The following OTOG variants were observed in gnomAD, a reference collection of about 807,000 sequenced individuals.
OTOG encodes otogelin.
OTOG carries 296 observed loss-of-function variants against 313.8 expected under a neutral mutation model. The ratio of observed to expected loss-of-function variants is 0.94; its 90% CI spans 0.86 to 1.04. OTOG has a LOEUF of 1.04. Ranked by LOEUF, OTOG falls within the 50% of genes least tolerant of loss-of-function variation. OTOG has a pLI of 0.00. For missense variants in OTOG, 3,948 were observed against 3,840.1 expected (o/e 1.03, Z -0.74); for synonymous variants, 1,533 against 1,554.9 (o/e 0.99, Z 0.33).
chr11:17,627,582 T>A (rs754357488), intron 39 of OTOG, among the ~76,000 whole-genome samples: 5 of 152,226 alleles, frequency 3.3e-5, no homozygotes, highest in Non-Finnish European at 5.9e-5. Flanking sequence ...CTGGTTTTTG[T>A]ATCAGAGTAA....
At chr11:17,571,111 A>G (rs1852394570) in intron 17 of OTOG, among the ~76,000 whole-genome samples, 4 of 152,252 alleles carry the variant, frequency 2.6e-5, no homozygotes, top group Admixed American at 6.5e-5. Context: ...TTCTTTAGCC[A>G]AAACGGAGAA....
intron 22 of OTOG, among the ~76,000 whole-genome samples, chr11:17,577,653 T>C (rs1346556805): frequency 1.3e-5 from 2 of 152,142 alleles, no homozygotes; most frequent in African/African-American, 4.8e-5. Flanking sequence ...ATGTTTTGTG[T>C]ATAATCCTGG....
rs146753764 is a variant in OTOG at position 17,643,445 on chromosome 11, G to A, written c.8416-16G>A. ...GTCTCCACACCTACCTACCTCCCCC[G>A]ACTTCCTCTCTCTAGGTTGGGGGTT... On this transcript the variant is annotated splice_polypyrimidine_tract_variant and intron_variant, in intron 53 of 55. Coordinates refer to ENST00000399397, the MANE Select transcript of OTOG (RefSeq NM_001292063.2). The A allele has an allele frequency of 6.8e-3, 9,741 of 1,430,682 alleles. 45 individuals are homozygous for A. The highest frequency in any genetic ancestry group is 0.02 in the Middle Eastern group (111 of 5,522). 88.6% of individuals were successfully genotyped at this position (1,430,682 alleles called of 1,614,324 possible).
At chr11:17,630,027 C>T (rs1854080717) in intron 40 of OTOG, among the ~76,000 whole-genome samples, 1 of 152,086 alleles carries the variant, frequency 6.6e-6, no homozygotes, top group Non-Finnish European at 1.5e-5. Flanking sequence ...ACCTGCACCC[C>T]GGTGATCATT....
chr11:17,567,100 A>C (rs1223580740), intron 15 of OTOG, among the ~76,000 whole-genome samples: 1 of 152,250 alleles, frequency 6.6e-6, no homozygotes, highest in Non-Finnish European at 1.5e-5. Flanking sequence ...TGAGATATGG[A>C]GAATTTAAGT....
intron 21 of OTOG, 60 bp from the exon 22 acceptor site, chr11:17,576,808 G>T: frequency 6.5e-7 from 1 of 1,537,204 alleles, no homozygotes; most frequent in Non-Finnish European, 8.8e-7. Flanking sequence ...CAGCAACATG[G>T]GGTGTCTGGG....
chr11:17,634,017 G>A, intron 43 of OTOG, 52 bp from the exon 44 acceptor site: 1 of 1,516,520 alleles, frequency 6.6e-7, no homozygotes, highest in Non-Finnish European at 8.8e-7. Context: ...AGCCTGGGAA[G>A]GTCTGGGCTC....
intron 3 of OTOG, among the ~76,000 whole-genome samples, chr11:17,548,738 G>A (rs1483363768): frequency 6.6e-6 from 1 of 151,676 alleles, no homozygotes; most frequent in African/African-American, 2.4e-5. Context: ...CTTTTTTTGA[G>A]TCGGGGTCTT....
intron 51 of OTOG, 73 bp downstream of exon 51, chr11:17,641,164 C>A (rs1479999307): frequency 1.4e-6 from 2 of 1,437,398 alleles, no homozygotes; most frequent in Admixed American, 2.1e-5. Flanking sequence ...GCTCCAGGAG[C>A]CAGAGGGGCC....
intron 12 of OTOG, among the ~76,000 whole-genome samples, chr11:17,560,279 G>T (rs377610784): frequency 2.0e-5 from 3 of 152,286 alleles, no homozygotes; most frequent in African/African-American, 7.2e-5. Flanking sequence ...GAGATATCAC[G>T]CTCATATGAC....
intron 43 of OTOG, 24 bp from the exon 44 acceptor site, chr11:17,634,045 G>A (rs997189928): frequency 7.8e-6 from 12 of 1,535,000 alleles, no homozygotes; most frequent in South Asian, 2.4e-5. Flanking sequence ...TCAGTCCCTC[G>A]CACCCTGCCA....
chr11:17,643,455 C>T lies in OTOG; in HGVS notation c.8416-6C>T. On this transcript the variant is annotated splice_polypyrimidine_tract_variant and splice_region_variant and intron_variant, in intron 53 of 55. Transcript: ENST00000399397. The stretch of plus-strand genomic sequence containing the variant: ...CTACCTACCTCCCCCGACTTCCTCT[C>T]TCTAGGTTGGGGGTTCCGTGGTACC... The T allele has an allele frequency of 2.1e-6, 3 of 1,448,642 alleles. No individual in the cohort carries two copies. Among genetic ancestry groups the T allele is most frequent in the Non-Finnish European group, 2.7e-6 (3 of 1,095,812 alleles). 89.7% of individuals were successfully genotyped at this position (1,448,642 alleles called of 1,614,324 possible). A position where few individuals can be genotyped will look rare whatever the true frequency, so the allele number is the denominator to read the frequency against.
chr11:17,641,425 C>A (rs1345506558), intron 51 of OTOG, among the ~76,000 whole-genome samples: 1 of 152,124 alleles, frequency 6.6e-6, no homozygotes. Flanking sequence ...CTTCTTCATG[C>A]CTAGTACTTA....
intron 32 of OTOG, among the ~76,000 whole-genome samples, chr11:17,604,415 C>T (rs1216508320): frequency 1.3e-5 from 2 of 152,286 alleles, no homozygotes; most frequent in East Asian, 3.9e-4. Flanking sequence ...ACTCAGTGCC[C>T]TACCATGCTG....
rs926237967 is a variant in OTOG at position 17,610,239 on chromosome 11, C to A, written c.4939C>A (p.Pro1647Thr). Residue 1647 changes from proline (P) to threonine (T), a missense_variant, in exon 36 of 56, where the codon CCT (proline) becomes ACT (threonine). Coordinates refer to ENST00000399397, the MANE Select transcript of OTOG (RefSeq NM_001292063.2). ...CTTGACAGCAAGTCCCTCCTCCAGA[C>A]CTGTGGCTTCCCCTGGAGCCATCTC... ...PSLTASPSSR[P>T]VASPGAISRS... is the part of the protein sequence containing the mutation. 13 of 1,550,564 alleles carry A rather than the reference C, an allele frequency of 8.4e-6. No homozygotes were observed. In the Admixed American group the frequency reaches 2.5e-4, roughly 30 times the overall value.
Position 17,560,728 on chromosome 11 carries a change from G to A in OTOG, c.1362G>A (p.Gly454=). 6.4e-7 allele frequency: 1 copy of A among 1,550,622 alleles called. No homozygotes were observed. The highest frequency in any genetic ancestry group is 8.7e-7 in the Non-Finnish European group (1 of 1,146,974). Residue 454 remains glycine, a synonymous_variant, in exon 13 of 56, where the codon GGG becomes GGA. Transcript: ENST00000399397. ...YCPNGLIFED[G]GCVAPAECPC... ...CTCTAGGGCTCATCTTCGAGGATGG[G>A]GGCTGCGTGGCACCAGCTGAGTGTC... is the stretch of plus-strand genomic sequence containing the variant.
rs1237021823 is a variant in OTOG at position 17,610,951 on chromosome 11, C to T, written c.5651C>T (p.Thr1884Ile). 3.2e-6 allele frequency: 5 copies of T among 1,550,380 alleles called. No homozygotes were observed. ...CTGCTGCTGGGAGCCACATTGCCAACCTCTGGAGTCCTGCCTGTGGCTGAG... is the reference window on the plus strand; with the variant it reads ...CTGCTGCTGGGAGCCACATTGCCAATCTCTGGAGTCCTGCCTGTGGCTGAG... ...PGLLLGATLPTSGVLPVAEGT... is the reference protein window; with the variant it reads ...PGLLLGATLPISGVLPVAEGT... Residue 1884 changes from threonine (T) to isoleucine (I), a missense_variant, in exon 36 of 56, where the codon ACC becomes ATC. Physicochemically the swap from Thr to Ile is moderately conservative, Grantham distance 89. Transcript: ENST00000399397.
At position 17,613,655 on chromosome 11, in the gene OTOG, T is replaced by G; in HGVS notation, c.6482T>G (p.Met2161Arg). Reference protein sequence around the residue: ...WPPFCLVMLNMTHLAHQVTID... With the variant: ...WPPFCLVMLNRTHLAHQVTID... ...CCGTTCTGTCTGGTGATGTTGAACATGACTCACTTGGCCCATCAGGTCACT... is the reference window on the plus strand; with the variant it reads ...CCGTTCTGTCTGGTGATGTTGAACAGGACTCACTTGGCCCATCAGGTCACT... Residue 2161 changes from methionine to arginine, a missense_variant, in exon 39 of 56, where the codon ATG becomes AGG. By Grantham distance (91) the Met-to-Arg change is moderately conservative. Coordinates refer to ENST00000399397, the MANE Select transcript of OTOG (RefSeq NM_001292063.2). The G allele has an allele frequency of 6.4e-7, 1 of 1,550,716 alleles. No individual in the cohort carries two copies. Among genetic ancestry groups the G allele is most frequent in the Non-Finnish European group, 8.7e-7 (1 of 1,147,034 alleles).
At chr11:17,644,772 TC>T in intron 54 of OTOG, among the ~76,000 whole-genome samples, 2 of 151,508 alleles carry the variant, frequency 1.3e-5, no homozygotes, top group East Asian at 3.9e-4. Context: ...ATGATTCACA[TC>T]GTAATTACCG....
Sources: allele counts gnomAD v4.1 joint callset (sites outside exome capture counted in the v4.1 genomes callset), GRCh38; gene constraint gnomAD v4.1.1; transcripts MANE v1.5; gene names NCBI Gene and HGNC (gene_info 2026-07-23, HGNC 2026-07-21).